CTNNA3: variants seen among roughly 807,000 people sequenced by gnomAD.
The protein encoded by CTNNA3 is catenin alpha-3.
A neutral mutation model predicts 95.7 loss-of-function variants in CTNNA3; 76 were observed. The ratio of observed to expected loss-of-function variants is 0.79; its 90% CI spans 0.66 to 0.96. The LOEUF is 0.96. Among genes scored for constraint, CTNNA3 ranks in the 40% least tolerant of loss-of-function variants. The pLI is 0.00. For missense variants in CTNNA3, 1,191 were observed against 1,089.8 expected, an observed-to-expected ratio of 1.09 and a Z score of -1.31; for synonymous variants, 431 against 374.4, an observed-to-expected ratio of 1.15 and a Z score of -1.74.
At chr10:66,651,017 A>G (rs1845878370) in intron 9 of CTNNA3, among the ~76,000 whole-genome samples, 1 of 152,098 alleles carries the variant, frequency 6.6e-6, no homozygotes, top group African/African-American at 2.4e-5. Context: ...CAGAGAGCTG[A>G]TTGGTCTGTT....
At chr10:66,873,617 C>T (rs1248239901) in intron 7 of CTNNA3, among the ~76,000 whole-genome samples, 1 of 151,998 alleles carries the variant, frequency 6.6e-6, no homozygotes, top group Non-Finnish European at 1.5e-5. Context: ...ATAACTACAA[C>T]CATCTGATCC....
At chr10:67,185,281 C>T (rs1862781609) in intron 6 of CTNNA3, among the ~76,000 whole-genome samples, 1 of 152,026 alleles carries the variant, frequency 6.6e-6, no homozygotes, top group African/African-American at 2.4e-5. Context: ...GTACACGTCA[C>T]CACATCCAGC....
At chr10:67,100,030 GAATT>G (rs998127269) in intron 7 of CTNNA3, among the ~76,000 whole-genome samples, 2 of 151,618 alleles carry the variant, frequency 1.3e-5, no homozygotes, top group Admixed American at 6.6e-5. Context: ...AGAAAAAGAA[GAATT>G]AATTTGTGTA....
At chr10:67,181,181 T>A (rs1862523269) in intron 6 of CTNNA3, among the ~76,000 whole-genome samples, 1 of 152,152 alleles carries the variant, frequency 6.6e-6, no homozygotes, top group South Asian at 2.1e-4. Context: ...CACTAACATA[T>A]CAAAGTAAAT....
rs1443946741 is a variant in CTNNA3, at chr10:66,014,778, A to C, written c.2160-25981T>G. ...GCCACATTTGGCTAGGGGCTACTGCATGGAACAATGCAGTTCTAGATCACG... is the reference window on the plus strand; with the variant it reads ...GCCACATTTGGCTAGGGGCTACTGCCTGGAACAATGCAGTTCTAGATCACG... On this transcript the variant is annotated intron_variant, in intron 15 of 17. Transcript: ENST00000433211. 2.6e-5 allele frequency among the ~76,000 whole-genome samples: 4 copies of C among 152,330 alleles called. 1 individual carries two copies. The South Asian group carries it at 8.3e-4, about 32-fold the overall frequency.
chr10:66,899,647 C>T (rs909743820), intron 7 of CTNNA3, among the ~76,000 whole-genome samples: 3 of 152,142 alleles, frequency 2.0e-5, no homozygotes, highest in Non-Finnish European at 4.4e-5. Flanking sequence ...CACTTCCCCC[C>T]AAATACTGTG....
intron 13 of CTNNA3, among the ~76,000 whole-genome samples, chr10:66,165,073 T>C (rs2085055664): frequency 6.6e-6 from 1 of 151,988 alleles, no homozygotes; most frequent in Non-Finnish European, 1.5e-5. Context: ...CACCATGGAG[T>C]ACTATGAATC....
At chr10:67,570,330 G>T (rs1040931012) in intron 3 of CTNNA3, among the ~76,000 whole-genome samples, 3 of 151,544 alleles carry the variant, frequency 2.0e-5, no homozygotes. Context: ...TTCCTTTCCT[G>T]GGAGAGCTTC....
At chr10:66,298,270 T>C (rs1215098238) in intron 12 of CTNNA3, among the ~76,000 whole-genome samples, 1 of 152,164 alleles carries the variant, frequency 6.6e-6, no homozygotes, top group Non-Finnish European at 1.5e-5. Context: ...ATAACTTAGA[T>C]GGGTTCATTA....
chr10:66,204,633 A>G (rs1324128987), intron 13 of CTNNA3, among the ~76,000 whole-genome samples: 1 of 152,146 alleles, frequency 6.6e-6, no homozygotes, highest in Non-Finnish European at 1.5e-5. Flanking sequence ...CTGTGCTCTT[A>G]GTGACCCAAA....
intron 17 of CTNNA3, among the ~76,000 whole-genome samples, chr10:65,961,150 T>C (rs1284530726): frequency 6.6e-6 from 1 of 150,520 alleles, no homozygotes; most frequent in East Asian, 2.0e-4. Flanking sequence ...TAAATAAAAA[T>C]GTTAACAAAC....
intron 3 of CTNNA3, among the ~76,000 whole-genome samples, chr10:67,586,527 C>T (rs1318059366): frequency 6.6e-6 from 1 of 152,050 alleles, no homozygotes; most frequent in Admixed American, 6.6e-5. Flanking sequence ...GTTCTATTCT[C>T]TTCCTGAATT....
intron 1 of CTNNA3, among the ~76,000 whole-genome samples, chr10:67,733,739 T>G (rs1841288682): frequency 3.9e-5 from 6 of 152,192 alleles, no homozygotes; most frequent in Admixed American, 3.9e-4. Flanking sequence ...CTGCCAGGTA[T>G]TCTAGAAAAC....
At chr10:66,866,096 G>C (rs967839338) in intron 7 of CTNNA3, among the ~76,000 whole-genome samples, 1 of 152,112 alleles carries the variant, frequency 6.6e-6, no homozygotes, top group African/African-American at 2.4e-5. Flanking sequence ...ACTACACCTT[G>C]AGAAAATGAT....
intron 12 of CTNNA3, among the ~76,000 whole-genome samples, chr10:66,288,914 C>G (rs959005075): frequency 5.3e-5 from 8 of 152,008 alleles, no homozygotes; most frequent in Admixed American, 5.3e-4. Context: ...CAATTCTTAG[C>G]TTTATTGGTC....
rs1582573 is a variant in CTNNA3, at chr10:67,649,046, T to C, written c.-5-1528A>G. Among the ~76,000 whole-genome samples the C allele has an allele frequency of 0.13, 20,105 of 152,236 alleles. 1,437 individuals are homozygous for C. The highest frequency in any genetic ancestry group is 0.16 in the Non-Finnish European group (10,758 of 67,992). On this transcript the variant is annotated intron_variant, in intron 1 of 17. Transcript: ENST00000433211. ...CATAGCCCAGAGCCAATCTGTGCAA[T>C]AGGATATGTCCTTCAGTGTATAGCC...
intron 5 of CTNNA3, among the ~76,000 whole-genome samples, chr10:67,477,352 A>C (rs1848054672): frequency 6.8e-6 from 1 of 147,760 alleles, no homozygotes; most frequent in South Asian, 2.2e-4. Context: ...CTCCCACCCC[A>C]CCCCCGGGGG....
At chr10:67,659,371 A>G (rs1197063726) in intron 1 of CTNNA3, among the ~76,000 whole-genome samples, 4 of 152,214 alleles carry the variant, frequency 2.6e-5, no homozygotes, top group Non-Finnish European at 5.9e-5. Context: ...GTTCATACTA[A>G]AAGCTCACCA....
At chr10:67,240,235 G>C (rs567637244) in intron 5 of CTNNA3, among the ~76,000 whole-genome samples, 23 of 152,258 alleles carry the variant, frequency 1.5e-4, no homozygotes, top group Admixed American at 1.2e-3. Flanking sequence ...TGTATACTTT[G>C]CTATTTGGAT....
Sources: allele counts gnomAD v4.1 joint callset (sites outside exome capture counted in the v4.1 genomes callset), GRCh38; gene constraint gnomAD v4.1.1; transcripts MANE v1.5; gene names NCBI Gene and HGNC (gene_info 2026-07-23, HGNC 2026-07-21).